Variants in MAST2 observed in about 807,000 individuals in gnomAD.
MAST2 encodes the protein microtubule-associated serine/threonine-protein kinase 2.
MAST2 carries 70 observed loss-of-function variants against 147.4 expected under a neutral mutation model. The ratio of observed to expected loss-of-function variants is 0.47; its 90% confidence interval spans 0.39 to 0.58. The LOEUF is 0.58. Ranked by LOEUF, MAST2 falls within the 20% of genes least tolerant of loss-of-function variation. The probability of loss-of-function intolerance (pLI) is 0.00; values close to 1 mark genes in which losing one functional copy is unlikely to be tolerated. For synonymous variants in MAST2, 869 were observed against 896.8 expected, an observed-to-expected ratio of 0.97 and a Z score of 0.55; for missense variants, 2,080 against 2,302.3, an observed-to-expected ratio of 0.90 and a Z score of 1.98.
At chr1:45,979,252 T>C (rs973322520) in intron 5 of MAST2, among the ~76,000 whole-genome samples, 8 of 152,202 alleles carry the variant, frequency 5.3e-5, no homozygotes, top group African/African-American at 1.9e-4. Context: ...CTAGTTAAAC[T>C]GTATAAATGA....
intron 5 of MAST2, among the ~76,000 whole-genome samples, chr1:45,964,339 C>T (rs1397090905): frequency 6.6e-6 from 1 of 152,194 alleles, no homozygotes; most frequent in Non-Finnish European, 1.5e-5. Flanking sequence ...GTGGATCCAT[C>T]TGGTCCTGGA....
chr1:45,857,850 G>GTTTTTTTTTTTT (rs35371770), intron 3 of MAST2, among the ~76,000 whole-genome samples: 3 of 66,572 alleles, frequency 4.5e-5, no homozygotes, highest in African/African-American at 1.2e-4. Context: ...AACATGCGGT[G>GTTTTTTTTTTTT]TTTTTTTTTT....
intron 4 of MAST2, among the ~76,000 whole-genome samples, chr1:45,910,527 A>T (rs1452439799): frequency 6.6e-6 from 1 of 152,244 alleles, no homozygotes; most frequent in African/African-American, 2.4e-5. Context: ...GCATATAAAT[A>T]CATTTACTAG....
chr1:46,025,596 C>G, intron 15 of MAST2, 81 bp from the exon 16 acceptor site: 1 of 1,566,740 alleles, frequency 6.4e-7, no homozygotes, highest in Non-Finnish European at 8.8e-7. Context: ...CCTCTGGGAC[C>G]TCAGAAACTG....
intron 4 of MAST2, among the ~76,000 whole-genome samples, chr1:45,897,616 C>T (rs1296552303): frequency 6.6e-6 from 1 of 152,018 alleles, no homozygotes; most frequent in Non-Finnish European, 1.5e-5. Context: ...TGAGACCAGC[C>T]TGGGCAACAT....
intron 5 of MAST2, among the ~76,000 whole-genome samples, chr1:45,973,132 T>G (rs1643988880): frequency 6.6e-6 from 1 of 152,206 alleles, no homozygotes; most frequent in Admixed American, 6.5e-5. Context: ...CTCTCTTCAG[T>G]TCTACTCCTG....
intron 5 of MAST2, among the ~76,000 whole-genome samples, chr1:45,995,317 G>T (rs1467767224): frequency 6.6e-6 from 1 of 152,114 alleles, no homozygotes; most frequent in Non-Finnish European, 1.5e-5. Context: ...AGTTTTGAGC[G>T]ATTTGACTGG....
intron 4 of MAST2, among the ~76,000 whole-genome samples, chr1:45,887,697 G>A (rs907342598): frequency 2.0e-5 from 3 of 152,216 alleles, no homozygotes; most frequent in Admixed American, 6.5e-5. Flanking sequence ...GATACCACCT[G>A]CTGCATACAC....
intron 3 of MAST2, among the ~76,000 whole-genome samples, chr1:45,844,607 G>A (rs558600169): frequency 6.6e-6 from 1 of 152,124 alleles, no homozygotes; most frequent in African/African-American, 2.4e-5. Context: ...TAAACTTTTT[G>A]TAGAGGTGGG....
chr1:45,966,729 G>A (rs1661268836), intron 5 of MAST2, among the ~76,000 whole-genome samples: 1 of 151,852 alleles, frequency 6.6e-6, no homozygotes, highest in Admixed American at 6.6e-5. Context: ...CTCAGAAAAA[G>A]AAAAAGAAAA....
chr1:45,871,265 A>G (rs1233527818), intron 3 of MAST2, among the ~76,000 whole-genome samples: 1 of 135,576 alleles, frequency 7.4e-6, no homozygotes, highest in Admixed American at 7.3e-5. Context: ...TTTTTTTCTT[A>G]TTTTCTTTTT....
At chr1:45,804,849 A>G (rs1644092004) in intron 1 of MAST2, among the ~76,000 whole-genome samples, 1 of 152,228 alleles carries the variant, frequency 6.6e-6, no homozygotes, top group South Asian at 2.1e-4. Flanking sequence ...TAGTAGCGGT[A>G]ATAAGTTTAG....
At chr1:45,952,901 A>G (rs994293120) in intron 4 of MAST2, among the ~76,000 whole-genome samples, 3 of 152,228 alleles carry the variant, frequency 2.0e-5, no homozygotes, top group Non-Finnish European at 4.4e-5. Flanking sequence ...CCCAAGAGGG[A>G]ATGTTAAGCA....
intron 3 of MAST2, among the ~76,000 whole-genome samples, chr1:45,865,824 T>C (rs1313260502): frequency 6.6e-6 from 1 of 152,222 alleles, no homozygotes; most frequent in Non-Finnish European, 1.5e-5. Flanking sequence ...TCATGCTTTG[T>C]AGATTATCTC....
chr1:45,866,099 A>G (rs1487876440), intron 3 of MAST2, among the ~76,000 whole-genome samples: 3 of 152,250 alleles, frequency 2.0e-5, no homozygotes, highest in Non-Finnish European at 2.9e-5. Flanking sequence ...GTTCTCAGGT[A>G]GAAAATGTAT....
rs549793179 is a variant in MAST2, at chr1:45,980,313, G to T, written c.593-17411G>T. ...AAAAAAAAAAGGCAACAAAAGATTG[G>T]AGACTACTTAGAGGGGGCAAGAGTT... is the stretch of plus-strand genomic sequence containing the variant. On this transcript the variant is annotated intron_variant, in intron 5 of 28. Coordinates refer to ENST00000361297, the MANE Select transcript of MAST2 (RefSeq NM_015112.3). 3.4e-5 allele frequency among the ~76,000 whole-genome samples: 5 copies of T among 147,370 alleles called. No individual in the cohort carries two copies. The East Asian group carries it at 1.0e-3, about 30-fold the overall frequency.
At chr1:45,857,395 C>T (rs1206874052) in intron 3 of MAST2, among the ~76,000 whole-genome samples, 1 of 152,172 alleles carries the variant, frequency 6.6e-6, no homozygotes, top group Non-Finnish European at 1.5e-5. Flanking sequence ...TATTTGTCCT[C>T]TATAAAAAGG....
At chr1:45,986,288 A>G (rs1033243403) in intron 5 of MAST2, among the ~76,000 whole-genome samples, 2 of 152,168 alleles carry the variant, frequency 1.3e-5, no homozygotes, top group African/African-American at 4.8e-5. Flanking sequence ...AGATGATTAT[A>G]TGTTTTTTTC....
chr1:45,883,912 G>GCCCTCCCCCCCC (rs1553221921), intron 4 of MAST2, among the ~76,000 whole-genome samples: 1 of 2,488 alleles, frequency 4.0e-4, no homozygotes, highest in Non-Finnish European at 1.0e-3. Context: ...TACTATTTCT[G>GCCCTCCCCCCCC]CCCCCCCCGC....
Sources: gnomAD v4.1 joint callset for allele counts (sites outside exome capture counted in the v4.1 genomes callset) on GRCh38, gnomAD v4.1.1 for gene constraint, MANE v1.5 for transcripts, NCBI Gene and HGNC (gene_info 2026-07-23, HGNC 2026-07-21) for gene names.